The following PIP5K1B variants were observed in gnomAD, a reference collection of about 807,000 sequenced individuals.
The protein encoded by PIP5K1B is phosphatidylinositol-4-phosphate 5-kinase type 1 beta, also known as phosphatidylinositol 4-phosphate 5-kinase type-1 beta.
Under a neutral mutation model 67.0 loss-of-function variants are expected in PIP5K1B, and 42 were observed. That is an observed-to-expected ratio of 0.63 (90% CI 0.49 to 0.81). The LOEUF (loss-of-function observed/expected upper bound fraction) is 0.81, where lower values mean the gene tolerates loss of function less well. PIP5K1B is among the 30% of genes least tolerant of loss of function. The probability of loss-of-function intolerance (pLI) is 0.00; values close to 1 mark genes in which losing one functional copy is unlikely to be tolerated. For missense variants in PIP5K1B, 459 were observed against 646.3 expected (o/e 0.71, Z 3.14); for synonymous variants, 214 against 231.4 (o/e 0.92, Z 0.68).
At chr9:68,838,766 TTTAA>T (rs768483224) in intron 4 of PIP5K1B, among the ~76,000 whole-genome samples, 22 of 152,202 alleles carry the variant, frequency 1.4e-4, no homozygotes, top group Non-Finnish European at 2.5e-4. Context: ...AAATAAATTT[TTTAA>T]TTAATTAACT....
intron 1 of PIP5K1B, among the ~76,000 whole-genome samples, chr9:68,708,732 A>G (rs183587740): frequency 2.5e-4 from 38 of 152,296 alleles, no homozygotes; most frequent in Admixed American, 1.1e-3. Context: ...GAACCTAGTT[A>G]ACAAAACCAA....
At chr9:68,947,488 C>T (rs1438264720) in intron 14 of PIP5K1B, among the ~76,000 whole-genome samples, 3 of 152,246 alleles carry the variant, frequency 2.0e-5, no homozygotes, top group East Asian at 1.9e-4. Flanking sequence ...TATGGGATAT[C>T]GTTTGCAACT....
rs1168833436 is a variant in PIP5K1B at position 68,867,335 on chromosome 9, G to T, written c.200+3368G>T. ...AATTTCTTTCAGCAGATGCTATCTT[G>T]TTTGTTTAAGTAACACAGGCACACC... is the stretch of plus-strand genomic sequence containing the variant. On this transcript the variant is annotated intron_variant, in intron 5 of 15. Transcript: ENST00000265382. Among the ~76,000 whole-genome samples the T allele has an allele frequency of 2.6e-5, 4 of 152,226 alleles. No homozygotes were observed. In the East Asian group the frequency reaches 7.7e-4, roughly 29 times the overall value.
intron 14 of PIP5K1B, chr9:68,965,459 G>A (rs1345233691): frequency 6.6e-6 from 1 of 152,106 alleles, no homozygotes; most frequent in Non-Finnish European, 1.5e-5. Flanking sequence ...TTAAGGAAAC[G>A]AAGCCAGTTC....
intron 2 of PIP5K1B, among the ~76,000 whole-genome samples, chr9:68,801,566 G>A (rs1832606307): frequency 6.6e-6 from 1 of 152,154 alleles, no homozygotes; most frequent in African/African-American, 2.4e-5. Context: ...CAAAACCACA[G>A]GGATTGACAG....
intron 1 of PIP5K1B, 57 bp from the exon 2 acceptor site, chr9:68,742,444 T>G (rs1829058249): frequency 6.6e-6 from 1 of 152,234 alleles, no homozygotes. Flanking sequence ...ATACATTCAC[T>G]TATTCCCCTC....
At chr9:68,883,289 C>G (rs534744335) in intron 6 of PIP5K1B, among the ~76,000 whole-genome samples, 1 of 152,186 alleles carries the variant, frequency 6.6e-6, no homozygotes. Flanking sequence ...TGATTCCTCT[C>G]GGTTTTTATG....
At chr9:68,966,594 A>G (rs987083123) in intron 14 of PIP5K1B, 1 of 152,266 alleles carries the variant, frequency 6.6e-6, no homozygotes, top group African/African-American at 2.4e-5. Flanking sequence ...ATCAAAAACA[A>G]GAAGTCTAAA....
At chr9:69,006,550 C>G (rs565151229) in intron 15 of PIP5K1B, among the ~76,000 whole-genome samples, 1 of 152,340 alleles carries the variant, frequency 6.6e-6, no homozygotes, top group East Asian at 1.9e-4. Flanking sequence ...CCTTTCTTCC[C>G]TGAGGCTAGT....
chr9:68,923,077 T>C (rs1163988550), intron 11 of PIP5K1B, among the ~76,000 whole-genome samples: 1 of 152,180 alleles, frequency 6.6e-6, no homozygotes, highest in East Asian at 1.9e-4. Context: ...TCTGCTCAGT[T>C]TGGTCTTGAG....
At chr9:68,971,110 T>C (rs895563153) in intron 14 of PIP5K1B, among the ~76,000 whole-genome samples, 2 of 152,192 alleles carry the variant, frequency 1.3e-5, no homozygotes, top group African/African-American at 4.8e-5. Context: ...CCTCAACCCG[T>C]CATCTCCATT....
At chr9:68,861,097 TTGG>T (rs1246735339) in intron 4 of PIP5K1B, among the ~76,000 whole-genome samples, 6 of 152,194 alleles carry the variant, frequency 3.9e-5, no homozygotes, top group African/African-American at 1.4e-4. Flanking sequence ...CATAAATTAG[TTGG>T]TCAAAAAAGA....
At chr9:68,952,850 C>T (rs1828161061) in intron 14 of PIP5K1B, among the ~76,000 whole-genome samples, 1 of 148,150 alleles carries the variant, frequency 6.7e-6, no homozygotes, top group South Asian at 2.3e-4. Flanking sequence ...TTCCTTTCTT[C>T]CTTCCTTTCT....
chr9:68,730,932 G>C (rs938031321), intron 1 of PIP5K1B, among the ~76,000 whole-genome samples: 2 of 152,212 alleles, frequency 1.3e-5, no homozygotes, highest in Non-Finnish European at 2.9e-5. Flanking sequence ...CTTTTCATGA[G>C]AAAGGATTAC....
intron 2 of PIP5K1B, chr9:68,780,281 C>G (rs769009779): frequency 4.4e-6 from 7 of 1,586,970 alleles, no homozygotes; most frequent in Non-Finnish European, 6.0e-6. Flanking sequence ...ACAGCGCCCC[C>G]CTGATCCACG....
At chr9:68,887,167 G>A (rs1414416538) in intron 6 of PIP5K1B, among the ~76,000 whole-genome samples, 1 of 152,156 alleles carries the variant, frequency 6.6e-6, no homozygotes, top group African/African-American at 2.4e-5. Context: ...CTTTTTCCAT[G>A]ATCCATTTTT....
chr9:68,796,565 C>T (rs1832305056), intron 2 of PIP5K1B, among the ~76,000 whole-genome samples: 1 of 152,170 alleles, frequency 6.6e-6, no homozygotes, highest in Admixed American at 6.6e-5. Flanking sequence ...GAATCTAAGA[C>T]AGCATTTTCC....
intron 8 of PIP5K1B, among the ~76,000 whole-genome samples, chr9:68,909,708 G>T (rs1346649716): frequency 1.3e-5 from 2 of 152,110 alleles, no homozygotes; most frequent in Non-Finnish European, 2.9e-5. Context: ...TGGATTGTAG[G>T]ATCCTACAGG....
intron 15 of PIP5K1B, among the ~76,000 whole-genome samples, chr9:68,991,981 G>GC (rs1160140377): frequency 3.9e-5 from 6 of 151,984 alleles, no homozygotes; most frequent in South Asian, 2.1e-4. Context: ...TTTTTTTGGG[G>GC]GGGGGCAGAG....
Sources: allele counts gnomAD v4.1 joint callset (sites outside exome capture counted in the v4.1 genomes callset), GRCh38; gene constraint gnomAD v4.1.1; transcripts MANE v1.5; gene names NCBI Gene and HGNC (gene_info 2026-07-23, HGNC 2026-07-21).